Variants in ARHGAP22 observed in about 807,000 individuals in gnomAD.
The protein encoded by ARHGAP22 is Rho GTPase activating protein 22.
Under a neutral mutation model 59.1 loss-of-function variants are expected in ARHGAP22, and 48 were observed. The ratio of observed to expected loss-of-function variants is 0.81; its 90% CI spans 0.64 to 1.03. The LOEUF (loss-of-function observed/expected upper bound fraction) is 1.03, where lower values mean the gene tolerates loss of function less well. Among genes scored for constraint, ARHGAP22 ranks in the 50% least tolerant of loss-of-function variants. The probability of loss-of-function intolerance (pLI) is 0.00; values close to 1 mark genes in which losing one functional copy is unlikely to be tolerated. For missense variants in ARHGAP22, 1,015 were observed against 958.7 expected (o/e 1.06, Z -0.78); for synonymous variants, 445 against 416.4 (o/e 1.07, Z -0.84).
At chr10:48,610,254 G>A (rs948107107) in intron 1 of ARHGAP22, among the ~76,000 whole-genome samples, 4 of 152,204 alleles carry the variant, frequency 2.6e-5, no homozygotes, top group Non-Finnish European at 5.9e-5. Flanking sequence ...CCTATCTGGG[G>A]TCTTTGTTGT....
chr10:48,639,874 CTT>C (rs1293584487), intron 1 of ARHGAP22, among the ~76,000 whole-genome samples: 1 of 152,110 alleles, frequency 6.6e-6, no homozygotes, highest in Non-Finnish European at 1.5e-5. Context: ...GAAACTGTCT[CTT>C]TGAGTATTGC....
chr10:48,503,287 T>C lies in ARHGAP22; in HGVS notation c.323-23523A>G, dbSNP rs142490417. On this transcript the variant is annotated intron_variant, in intron 3 of 9. Coordinates refer to ENST00000249601, the MANE Select transcript of ARHGAP22 (RefSeq NM_021226.4). ...GGACGAATGGTGGCCTGGTGGCTGA[T>C]GTAACTGATGCTGAGTGACCTGGAG... Among the ~76,000 whole-genome samples the C allele has an allele frequency of 4.6e-5, 7 of 152,322 alleles. No individual in the cohort carries two copies. The East Asian group carries it at 1.3e-3, about 29-fold the overall frequency.
chr10:48,457,415 C>G (rs1304572799), intron 5 of ARHGAP22, among the ~76,000 whole-genome samples: 3 of 152,158 alleles, frequency 2.0e-5, no homozygotes, highest in Non-Finnish European at 4.4e-5. Context: ...GACTGGTGTC[C>G]CTGGTGTTTA....
In ARHGAP22 at chr10:48,597,945, C is replaced by T. The variant is rs544661720; in HGVS notation, c.34+6818G>A. ...CCTTGCTGCCTTGGATAGTGGAGTC[C>T]AAGGTGGCCTCCTGGCCCACGCCTA... On this transcript the variant is annotated intron_variant, in intron 1 of 9. Coordinates refer to ENST00000249601, the MANE Select transcript of ARHGAP22 (RefSeq NM_021226.4). Among the ~76,000 whole-genome samples the T allele has an allele frequency of 3.3e-5, 5 of 152,324 alleles. No individual in the cohort carries two copies. In the East Asian group the frequency reaches 9.6e-4, roughly 29 times the overall value.
chr10:48,494,506 C>T (rs2050726997), intron 3 of ARHGAP22, among the ~76,000 whole-genome samples: 1 of 152,204 alleles, frequency 6.6e-6, no homozygotes, highest in African/African-American at 2.4e-5. Flanking sequence ...TGTGCCGATG[C>T]CACCTGTTCA....
At chr10:48,562,771 T>C (rs72785159) in intron 2 of ARHGAP22, among the ~76,000 whole-genome samples, 11,043 of 152,310 alleles carry the variant, frequency 0.073, 567 homozygotes, top group Middle Eastern at 0.15. Flanking sequence ...CCATGAAATA[T>C]GTGCAGTTCA....
chr10:48,579,780 G>A (rs1427707587), intron 2 of ARHGAP22, among the ~76,000 whole-genome samples: 1 of 151,570 alleles, frequency 6.6e-6, no homozygotes, highest in Non-Finnish European at 1.5e-5. Flanking sequence ...AGTGCTGACC[G>A]CCTGGGCCCC....
chr10:48,511,879 C>T (rs1234077789), intron 3 of ARHGAP22, among the ~76,000 whole-genome samples: 3 of 152,212 alleles, frequency 2.0e-5, no homozygotes, highest in East Asian at 3.9e-4. Context: ...TCTGTGGGCT[C>T]GCAAGTGGAT....
At chr10:48,480,232 G>A (rs180883741) in intron 3 of ARHGAP22, among the ~76,000 whole-genome samples, 1 of 152,222 alleles carries the variant, frequency 6.6e-6, no homozygotes, top group African/African-American at 2.4e-5. Context: ...TATATATTAA[G>A]GTCACAGAGG....
chr10:48,635,450 A>G (rs1470214369), intron 1 of ARHGAP22, among the ~76,000 whole-genome samples: 2 of 152,180 alleles, frequency 1.3e-5, no homozygotes, highest in Non-Finnish European at 2.9e-5. Flanking sequence ...GAGCCCACTG[A>G]TGGCTTCCCG....
chr10:48,476,098 G>A (rs1238265385), intron 4 of ARHGAP22, among the ~76,000 whole-genome samples: 1 of 152,136 alleles, frequency 6.6e-6, no homozygotes, highest in African/African-American at 2.4e-5. Flanking sequence ...TGCTCAGCTG[G>A]TCACCCGCCT....
intron 3 of ARHGAP22, among the ~76,000 whole-genome samples, chr10:48,481,610 C>T (rs1330482709): frequency 1.3e-5 from 2 of 152,198 alleles, no homozygotes; most frequent in East Asian, 3.8e-4. Context: ...GTCCTGGGTC[C>T]TGCCCCAACG....
upstream of ARHGAP22, among the ~76,000 whole-genome samples, chr10:48,653,553 C>G (rs2062644741): frequency 6.6e-6 from 1 of 152,220 alleles, no homozygotes; most frequent in African/African-American, 2.4e-5. Flanking sequence ...GGGGAGTGAC[C>G]AGGGATAGCT....
chr10:48,646,631 G>A (rs929115269), intron 1 of ARHGAP22, among the ~76,000 whole-genome samples: 3 of 152,094 alleles, frequency 2.0e-5, no homozygotes, highest in African/African-American at 7.2e-5. Context: ...ATCCATAAGC[G>A]AAACAGCAGC....
chr10:48,494,316 C>G (rs553405722), intron 3 of ARHGAP22, among the ~76,000 whole-genome samples: 1 of 152,182 alleles, frequency 6.6e-6, no homozygotes, highest in African/African-American at 2.4e-5. Flanking sequence ...TCTCCCTTGC[C>G]TCTGGGACAA....
intron 3 of ARHGAP22, among the ~76,000 whole-genome samples, chr10:48,519,724 G>A (rs547893845): frequency 4.6e-5 from 7 of 152,362 alleles, no homozygotes; most frequent in South Asian, 2.1e-4. Context: ...GCCCAGGCTC[G>A]ACTGCCCTCA....
chr10:48,603,700 T>TG (rs2060517667), intron 1 of ARHGAP22, among the ~76,000 whole-genome samples: 2 of 152,280 alleles, frequency 1.3e-5, no homozygotes, highest in African/African-American at 4.8e-5. Flanking sequence ...CTTTGCCCAT[T>TG]GGGGTACACA....
chr10:48,647,397 A>G (rs1263343885), intron 1 of ARHGAP22, among the ~76,000 whole-genome samples: 1 of 152,240 alleles, frequency 6.6e-6, no homozygotes, highest in African/African-American at 2.4e-5. Flanking sequence ...CAGTATCAAA[A>G]AATATAAAAA....
At chr10:48,451,237 G>A (rs2045916064) in intron 8 of ARHGAP22, 97 bp from the exon 9 acceptor site, 1 of 1,502,642 alleles carries the variant, frequency 6.7e-7, no homozygotes, top group Non-Finnish European at 9.1e-7. Flanking sequence ...GTGGGAGCTG[G>A]CCCTGTCCCC....
Sources: allele counts gnomAD v4.1 joint callset (sites outside exome capture counted in the v4.1 genomes callset), GRCh38; gene constraint gnomAD v4.1.1; transcripts MANE v1.5; gene names NCBI Gene and HGNC (gene_info 2026-07-23, HGNC 2026-07-21).